TEX36: variants seen among roughly 807,000 people sequenced by gnomAD.
TEX36 encodes testis-expressed protein 36.
A neutral mutation model predicts 13.6 loss-of-function variants in TEX36; 12 were observed. The ratio of observed to expected loss-of-function variants is 0.88; its 90% CI spans 0.56 to 1.43. The LOEUF (loss-of-function observed/expected upper bound fraction) is 1.43. TEX36 is among the 40% of genes most tolerant of loss of function. The pLI, the probability that TEX36 is intolerant of heterozygous loss-of-function variation, is 0.00. For missense variants in TEX36, 224 were observed against 228.3 expected (o/e 0.98, Z 0.12); for synonymous variants, 93 against 83.0 (o/e 1.12, Z -0.65).
At chr10:125,586,984 G>C (rs1845961727) in intron 3 of TEX36, among the ~76,000 whole-genome samples, 1 of 152,066 alleles carries the variant, frequency 6.6e-6, no homozygotes, top group Admixed American at 6.6e-5. Flanking sequence ...TTAAGATCCA[G>C]TTGTTTAAAA....
At chr10:125,620,327 G>A (rs1426286330), downstream of TEX36, among the ~76,000 whole-genome samples, 1 of 152,188 alleles carries the variant, frequency 6.6e-6, no homozygotes, top group South Asian at 2.1e-4. Context: ...ACTCATTGTT[G>A]CTTTAATGGC....
At chr10:125,580,628 C>G (rs1845870823) in intron 3 of TEX36, among the ~76,000 whole-genome samples, 2 of 152,134 alleles carry the variant, frequency 1.3e-5, no homozygotes, top group African/African-American at 4.8e-5. Context: ...CACCAAGGGC[C>G]CACATTACTG....
intron 1 of TEX36, among the ~76,000 whole-genome samples, chr10:125,679,478 T>A (rs527378274): frequency 1.1e-4 from 17 of 152,248 alleles, no homozygotes; most frequent in African/African-American, 4.1e-4. Flanking sequence ...AGGAGTTCCA[T>A]CCCACAGTTT....
chr10:125,577,255 G>T (rs1379682650), intron 3 of TEX36, among the ~76,000 whole-genome samples: 5 of 152,186 alleles, frequency 3.3e-5, no homozygotes, highest in African/African-American at 7.2e-5. Context: ...CCAGCACTTT[G>T]GGTGGTGGAG....
chr10:125,579,636 G>A (rs1845862251), intron 3 of TEX36, among the ~76,000 whole-genome samples: 1 of 152,154 alleles, frequency 6.6e-6, no homozygotes, highest in South Asian at 2.1e-4. Flanking sequence ...TTCGAGGAGG[G>A]TCATGATGGG....
Position 125,610,504 on chromosome 10 carries a change from A to G in TEX36, c.265-33630T>C, listed in dbSNP as rs891753816. Among the ~76,000 whole-genome samples, 3 of 152,020 alleles carry G rather than the reference A, an allele frequency of 2.0e-5. No individual in the cohort carries two copies. The South Asian group carries it at 6.2e-4, about 31-fold the overall frequency. On this transcript the variant is annotated intron_variant, in intron 3 of 3. Transcript: ENST00000532135. ...CTGCTGAATCGGAACTTGTGTTTCA[A>G]AAGATCTCCTGGCGATGCCCATGCA...
intron 3 of TEX36, among the ~76,000 whole-genome samples, chr10:125,611,547 T>G (rs2133551526): frequency 6.6e-6 from 1 of 152,372 alleles, no homozygotes; most frequent in African/African-American, 2.4e-5. Context: ...AAGCCCGTTT[T>G]TTATTTTTTC....
At chr10:125,672,974 G>A (rs967530410) in intron 1 of TEX36, among the ~76,000 whole-genome samples, 1 of 152,040 alleles carries the variant, frequency 6.6e-6, no homozygotes, top group Non-Finnish European at 1.5e-5. Flanking sequence ...ATTTCCATTT[G>A]TTTGGTAAAT....
intron 3 of TEX36, among the ~76,000 whole-genome samples, chr10:125,583,312 G>A (rs1017532895): frequency 6.6e-6 from 1 of 152,158 alleles, no homozygotes; most frequent in Non-Finnish European, 1.5e-5. Flanking sequence ...CACAGTTCTG[G>A]AGGCTGGAAG....
chr10:125,600,926 T>C (rs1219930751), intron 3 of TEX36, among the ~76,000 whole-genome samples: 1 of 152,194 alleles, frequency 6.6e-6, no homozygotes, highest in East Asian at 1.9e-4. Flanking sequence ...CTAATCCCAA[T>C]AGCCTCACTG....
intron 3 of TEX36, among the ~76,000 whole-genome samples, chr10:125,602,088 G>A (rs1846156419): frequency 6.6e-6 from 1 of 152,158 alleles, no homozygotes; most frequent in Admixed American, 6.5e-5. Context: ...TCTATCTGCT[G>A]AGCAAGCCAC....
intron 3 of TEX36, among the ~76,000 whole-genome samples, chr10:125,585,041 G>A (rs952758138): frequency 6.6e-6 from 1 of 152,158 alleles, no homozygotes; most frequent in Non-Finnish European, 1.5e-5. Flanking sequence ...TTAACCTGCT[G>A]ATACTTTCTT....
At chr10:125,593,959 T>C (rs956111228) in intron 3 of TEX36, among the ~76,000 whole-genome samples, 4 of 152,208 alleles carry the variant, frequency 2.6e-5, no homozygotes, top group Non-Finnish European at 5.9e-5. Context: ...CAGATGTGAG[T>C]CTTCCTAGTG....
chr10:125,599,787 A>C (rs1162914397), intron 3 of TEX36, among the ~76,000 whole-genome samples: 1 of 152,198 alleles, frequency 6.6e-6, no homozygotes, highest in East Asian at 1.9e-4. Flanking sequence ...CAATGGTCAG[A>C]GGCTTCAAAA....
At chr10:125,648,943 T>C (rs1385578887) in intron 3 of TEX36, among the ~76,000 whole-genome samples, 4 of 151,986 alleles carry the variant, frequency 2.6e-5, no homozygotes, top group Non-Finnish European at 4.4e-5. Flanking sequence ...GAAGCAATAA[T>C]AGAAGTTTAG....
chr10:125,608,274 TGTGATGATG>T (rs57388324), intron 3 of TEX36, among the ~76,000 whole-genome samples: 17,954 of 98,094 alleles, frequency 0.18, 1,637 homozygotes, highest in African/African-American at 0.47. Context: ...TCCTATAGAT[TGTGATGATG>T]GTGATGATGG....
chr10:125,654,456 G>A (rs1010380982), downstream of TEX36, among the ~76,000 whole-genome samples: 3 of 152,210 alleles, frequency 2.0e-5, no homozygotes, highest in African/African-American at 4.8e-5. Context: ...GGAAGATACA[G>A]TATAAAGGTG....
At position 125,676,010 on chromosome 10, in the gene TEX36, C is replaced by T. The variant is rs373354646; in HGVS notation, c.51+6929G>A. ...TAATGACTTTAATTTTTTTAAACTG[C>T]TGAGACTTGTTTTGTGGCCTGACAT... is the stretch of plus-strand genomic sequence containing the variant. On this transcript the variant is annotated intron_variant, in intron 1 of 3. Coordinates refer to ENST00000368821, the MANE Select transcript of TEX36 (RefSeq NM_001128202.3). Among the ~76,000 whole-genome samples, 18 of 152,298 alleles carry T rather than the reference C, an allele frequency of 1.2e-4. No individual in the cohort carries two copies. The South Asian group carries it at 3.7e-3, about 32-fold the overall frequency.
At chr10:125,667,204 A>G (rs1008839736) in intron 1 of TEX36, 43 of 643,454 alleles carry the variant, frequency 6.7e-5, no homozygotes, top group Non-Finnish European at 1.2e-4. Flanking sequence ...CACCATGGCA[A>G]TCTCCTCGTG....
Sources: allele counts gnomAD v4.1 joint callset (sites outside exome capture counted in the v4.1 genomes callset), GRCh38; gene constraint gnomAD v4.1.1; transcripts MANE v1.5; gene names NCBI Gene and HGNC (gene_info 2026-07-23, HGNC 2026-07-21).